ANGPTL2: variants seen among roughly 807,000 people sequenced by gnomAD.
The protein encoded by ANGPTL2 is angiopoietin like 2, also known as angiopoietin-related protein 2.
Under a neutral mutation model 52.8 loss-of-function variants are expected in ANGPTL2, and 25 were observed. That is an observed-to-expected ratio of 0.47 (90% confidence interval 0.35 to 0.66). ANGPTL2 has a LOEUF of 0.66. Among genes scored for constraint, ANGPTL2 ranks in the 30% least tolerant of loss-of-function variants. The pLI, the probability that ANGPTL2 is intolerant of heterozygous loss-of-function variation, is 0.01. For missense variants in ANGPTL2, 546 were observed against 656.9 expected (o/e 0.83, Z 1.84); for synonymous variants, 276 against 277.4 (o/e 1.00, Z 0.05).
chr9:127,091,228 G>T lies in ANGPTL2; in HGVS notation c.1282+442C>A, dbSNP rs868282604. 2.6e-4 allele frequency among the ~76,000 whole-genome samples: 40 copies of T among 152,350 alleles called. No individual in the cohort carries two copies. Among genetic ancestry groups the T allele is most frequent in the African/African-American group, 9.1e-4 (38 of 41,584 alleles). The stretch of plus-strand genomic sequence containing the variant: ...AGATGCAGAAACTGAGACCCACGGA[G>T]ATTTAGCAGTATGCCCAAGGACACA... On this transcript the variant is annotated intron_variant, in intron 4 of 4. Coordinates refer to ENST00000373425, the MANE Select transcript of ANGPTL2 (RefSeq NM_012098.3). This position sits in a 1 kb window ranked among gnomAD's most constrained non-coding sequence, Gnocchi z 4.3.
At chr9:127,120,599 G>A (rs766212000) in intron 1 of ANGPTL2, among the ~76,000 whole-genome samples, 14 of 152,184 alleles carry the variant, frequency 9.2e-5, no homozygotes, top group Admixed American at 8.5e-4. Flanking sequence ...CGAGGTGGGC[G>A]GATCACGAGG....
At chr9:127,096,084 C>T (rs1407729707) in intron 2 of ANGPTL2, among the ~76,000 whole-genome samples, 1 of 152,218 alleles carries the variant, frequency 6.6e-6, no homozygotes, top group African/African-American at 2.4e-5. Context: ...ATGCTCCCCA[C>T]CCCAGGGTAG....
At chr9:127,096,158 C>G (rs553767989) in intron 2 of ANGPTL2, among the ~76,000 whole-genome samples, 2 of 152,220 alleles carry the variant, frequency 1.3e-5, no homozygotes, top group Non-Finnish European at 2.9e-5. Context: ...CCCACCACTC[C>G]CTCAGTATCC....
At chr9:127,098,311 G>A (rs1022822574) in intron 2 of ANGPTL2, among the ~76,000 whole-genome samples, 5 of 152,162 alleles carry the variant, frequency 3.3e-5, no homozygotes, top group Non-Finnish European at 5.9e-5. Context: ...TTAACTTGGC[G>A]CCCCTTCTGA....
chr9:127,107,058 CAG>C (rs2054288490), intron 2 of ANGPTL2: 1 of 152,234 alleles, frequency 6.6e-6, no homozygotes, highest in Non-Finnish European at 1.5e-5. Flanking sequence ...GACATTCTGA[CAG>C]GGGAGCCTCT....
intron 2 of ANGPTL2, 108 bp downstream of exon 2, chr9:127,107,807 G>T (rs1460225125): frequency 2.6e-6 from 3 of 1,175,204 alleles, no homozygotes; most frequent in Non-Finnish European, 3.6e-6. Context: ...GCATGTCTTT[G>T]GCCTGGCTTC....
intron 2 of ANGPTL2, among the ~76,000 whole-genome samples, chr9:127,102,329 T>A (rs546772735): frequency 2.0e-5 from 3 of 151,696 alleles, no homozygotes; most frequent in African/African-American, 7.3e-5. Context: ...TAATACTACT[T>A]TATTTATTTT....
chr9:127,093,703 G>A, intron 3 of ANGPTL2, 30 bp downstream of exon 3: 1 of 1,611,106 alleles, frequency 6.2e-7, no homozygotes. Context: ...CACCTTGTGG[G>A]CAGCACAGAC....
At chr9:127,120,872 C>G (rs920591352) in intron 1 of ANGPTL2, among the ~76,000 whole-genome samples, 1 of 152,108 alleles carries the variant, frequency 6.6e-6, no homozygotes, top group African/African-American at 2.4e-5. Context: ...TCCCTTCCCT[C>G]TGTGCCAGTC....
In ANGPTL2 at chr9:127,108,304, T is replaced by C; in HGVS notation, c.428A>G (p.His143Arg). Reference sequence around the variant, plus strand: ...GTTGTCCCGCTTGCGGATGATCTCGTGCAGGAGCTGCATGTAGAGCTGCGT... The same window carrying C: ...GTTGTCCCGCTTGCGGATGATCTCGCGCAGGAGCTGCATGTAGAGCTGCGT... ...RVTQLYMQLLHEIIRKRDNAL... is the reference protein window; with the variant it reads ...RVTQLYMQLLREIIRKRDNAL... The change falls in exon 2 of 5, where the codon CAC becomes CGC. Residue 143 changes from histidine to arginine, a missense_variant. This residue lies in a region of ANGPTL2 where 285 missense variants were observed against 295.8 expected (regional missense o/e 0.96). Coordinates refer to ENST00000373425, the MANE Select transcript of ANGPTL2 (RefSeq NM_012098.3). 6.2e-7 allele frequency: 1 copy of C among 1,613,886 alleles called. No individual in the cohort carries two copies. Among genetic ancestry groups the C allele is most frequent in the Non-Finnish European group, 8.5e-7 (1 of 1,179,918 alleles).
chr9:127,093,751 C>T lies in ANGPTL2; in HGVS notation c.993G>A (p.Arg331=). The T allele has an allele frequency of 6.2e-7, 1 of 1,614,022 alleles. No individual in the cohort carries two copies. Among genetic ancestry groups the T allele is most frequent in the Non-Finnish European group, 8.5e-7 (1 of 1,179,994 alleles). The part of the protein sequence containing the change: ...RRLDGSVNFF[R]NWETYKQGFG... ...GTCTCACCTTGTACGTCTCCCAGTT[C>T]CTGAAGAAGTTAACAGAGCCATCCA... Residue 331 remains arginine (R), a synonymous_variant, in exon 3 of 5, where the codon AGG becomes AGA. Coordinates refer to ENST00000373425, the MANE Select transcript of ANGPTL2 (RefSeq NM_012098.3).
At chr9:127,106,664 T>C (rs1010911889) in intron 2 of ANGPTL2, among the ~76,000 whole-genome samples, 2 of 152,140 alleles carry the variant, frequency 1.3e-5, no homozygotes, top group African/African-American at 4.8e-5. Flanking sequence ...CCAGGCCAGG[T>C]CTTTCCTTTG....
chr9:127,099,948 C>T (rs904696579), intron 2 of ANGPTL2, among the ~76,000 whole-genome samples: 1 of 152,060 alleles, frequency 6.6e-6, no homozygotes, highest in Non-Finnish European at 1.5e-5. Flanking sequence ...ATGTTTGAGG[C>T]CTAAAAAGAC....
At chr9:127,094,309 C>T (rs1373086335) in intron 2 of ANGPTL2, among the ~76,000 whole-genome samples, 1 of 152,054 alleles carries the variant, frequency 6.6e-6, no homozygotes, top group East Asian at 1.9e-4. Context: ...TTTTCGTGTT[C>T]ATTATATTAG....
At chr9:127,119,044 C>T (rs1301407078) in intron 1 of ANGPTL2, among the ~76,000 whole-genome samples, 2 of 152,120 alleles carry the variant, frequency 1.3e-5, no homozygotes, top group South Asian at 2.1e-4. Flanking sequence ...CCAGTGTTTC[C>T]CTGAGGCTCT....
At position 127,091,461 on chromosome 9, in the gene ANGPTL2, T is replaced by C; in HGVS notation, c.1282+209A>G. On this transcript the variant is annotated intron_variant, in intron 4 of 4. Coordinates refer to ENST00000373425, the MANE Select transcript of ANGPTL2 (RefSeq NM_012098.3). This position sits in a 1 kb window ranked among gnomAD's most constrained non-coding sequence, Gnocchi z 4.3. ...CCCCATCCCATTTTTTTTTTCTTAA[T>C]TTGTAAATGCCACTGTGACCCAGCT... 6.6e-6 allele frequency among the ~76,000 whole-genome samples: 1 copy of C among 152,164 alleles called. No homozygotes were observed. Among genetic ancestry groups the C allele is most frequent in the East Asian group, 1.9e-4 (1 of 5,196 alleles).
intron 2 of ANGPTL2, among the ~76,000 whole-genome samples, chr9:127,103,353 T>C (rs1225672088): frequency 6.6e-6 from 1 of 152,208 alleles, no homozygotes; most frequent in African/African-American, 2.4e-5. Context: ...GCTAGCACTC[T>C]TGTCAGTGAA....
At chr9:127,115,877 G>T (rs2055357635) in intron 1 of ANGPTL2, among the ~76,000 whole-genome samples, 1 of 152,228 alleles carries the variant, frequency 6.6e-6, no homozygotes, top group South Asian at 2.1e-4. Context: ...TGCATTGTTT[G>T]TCCTGGATGA....
rs550534519 is a variant in ANGPTL2, at chr9:127,116,139, G to A, written c.-50+6176C>T. On this transcript the variant is annotated intron_variant, in intron 1 of 4. Coordinates refer to ENST00000373425, the MANE Select transcript of ANGPTL2 (RefSeq NM_012098.3). ...ATTGTGCATTGCTACTACCTGTCATGGGTGATGGGAGCCATGAGTCAGAGA... is the reference window on the plus strand; with the variant it reads ...ATTGTGCATTGCTACTACCTGTCATAGGTGATGGGAGCCATGAGTCAGAGA... Among the ~76,000 whole-genome samples the A allele has an allele frequency of 7.9e-5, 12 of 152,330 alleles. No individual in the cohort carries two copies. In the East Asian group the frequency reaches 2.1e-3, roughly 27 times the overall value.
Sources: allele counts gnomAD v4.1 joint callset (sites outside exome capture counted in the v4.1 genomes callset), GRCh38; gene constraint gnomAD v4.1.1; regional missense constraint gnomAD v4.1.1; non-coding constraint Gnocchi (gnomAD v3.1); transcripts MANE v1.5; gene names NCBI Gene and HGNC (gene_info 2026-07-23, HGNC 2026-07-21).